Variants in GSG1L observed in about 807,000 individuals in gnomAD.
The protein encoded by GSG1L is GSG1 like.
Under a neutral mutation model 42.1 loss-of-function variants are expected in GSG1L, and 24 were observed. That is an observed-to-expected ratio of 0.57 (90% CI 0.41 to 0.80). The LOEUF is 0.80. Among genes scored for constraint, GSG1L ranks in the 30% least tolerant of loss-of-function variants. The pLI is 0.00. For synonymous variants in GSG1L, 215 were observed against 203.5 expected, an observed-to-expected ratio of 1.06 and a Z score of -0.48; for missense variants, 445 against 472.2, an observed-to-expected ratio of 0.94 and a Z score of 0.53.
At chr16:27,959,362 G>A (rs1206141043) in intron 2 of GSG1L, among the ~76,000 whole-genome samples, 1 of 151,676 alleles carries the variant, frequency 6.6e-6, no homozygotes, top group Non-Finnish European at 1.5e-5. Flanking sequence ...CAGCTACTCG[G>A]GAGGCTGAGG....
At chr16:27,995,333 G>C (rs2085504148) in intron 1 of GSG1L, among the ~76,000 whole-genome samples, 1 of 152,112 alleles carries the variant, frequency 6.6e-6, no homozygotes, top group African/African-American at 2.4e-5. Context: ...CACCAAGGAA[G>C]AATAAAATAA....
At chr16:28,037,383 G>A (rs1449053524) in intron 1 of GSG1L, among the ~76,000 whole-genome samples, 3 of 152,184 alleles carry the variant, frequency 2.0e-5, no homozygotes, top group African/African-American at 7.2e-5. Flanking sequence ...ATTAGTGGAT[G>A]AAGAAAACAC....
At chr16:28,034,824 A>C (rs1182719863) in intron 1 of GSG1L, among the ~76,000 whole-genome samples, 1 of 152,180 alleles carries the variant, frequency 6.6e-6, no homozygotes, top group Non-Finnish European at 1.5e-5. Context: ...GACAAACAAA[A>C]ATGTCTCCAG....
intron 2 of GSG1L, among the ~76,000 whole-genome samples, chr16:27,906,738 CTTGT>C (rs1457774552): frequency 6.6e-6 from 1 of 152,182 alleles, no homozygotes; most frequent in Non-Finnish European, 1.5e-5. Context: ...ATTCTGACAT[CTTGT>C]TTAATTGTCT....
At chr16:27,856,406 T>C (rs1430030554) in intron 3 of GSG1L, among the ~76,000 whole-genome samples, 1 of 152,204 alleles carries the variant, frequency 6.6e-6, no homozygotes, top group African/African-American at 2.4e-5. Context: ...CTTCAACTCC[T>C]GGGCTCAAGC....
intron 3 of GSG1L, among the ~76,000 whole-genome samples, chr16:27,851,483 C>T (rs192551254): frequency 5.9e-5 from 9 of 152,268 alleles, no homozygotes; most frequent in Middle Eastern, 3.4e-3. Flanking sequence ...GCAGGAGCCC[C>T]TGTGCCCTGC....
rs1392910015 is a variant in GSG1L at position 27,903,839 on chromosome 16, G to C, written c.398-19201C>G. ...CCAAGGTCCTATGAAGACACTGAGT[G>C]TGAGCCCCAGCTGACTCGGCATTCA... On this transcript the variant is annotated intron_variant, in intron 2 of 6. Coordinates refer to ENST00000447459, the MANE Select transcript of GSG1L (RefSeq NM_001109763.2). Among the ~76,000 whole-genome samples, 8 of 152,026 alleles carry C rather than the reference G, an allele frequency of 5.3e-5. No individual in the cohort carries two copies. In the East Asian group the frequency reaches 1.6e-3, roughly 30 times the overall value.
chr16:27,848,043 A>G (rs915963337), intron 3 of GSG1L, among the ~76,000 whole-genome samples: 2 of 152,228 alleles, frequency 1.3e-5, no homozygotes, highest in African/African-American at 4.8e-5. Context: ...CTCACCTGTC[A>G]TATGGGGATA....
chr16:27,876,783 C>T (rs912692399), intron 3 of GSG1L, among the ~76,000 whole-genome samples: 6 of 152,170 alleles, frequency 3.9e-5, no homozygotes, highest in Admixed American at 2.0e-4. Flanking sequence ...CTCTTCAACT[C>T]GGTCCACACT....
At chr16:27,966,733 G>A (rs1429186112) in intron 1 of GSG1L, among the ~76,000 whole-genome samples, 1 of 152,074 alleles carries the variant, frequency 6.6e-6, no homozygotes, top group African/African-American at 2.4e-5. Context: ...AACAAAGAGA[G>A]GGGGCGCACG....
At chr16:27,906,859 G>T (rs2141047782) in intron 2 of GSG1L, among the ~76,000 whole-genome samples, 1 of 152,216 alleles carries the variant, frequency 6.6e-6, no homozygotes, top group African/African-American at 2.4e-5. Context: ...TCTGTGACAT[G>T]ACTCCCGAGA....
intron 6 of GSG1L, among the ~76,000 whole-genome samples, chr16:27,796,097 G>A (rs1032687832): frequency 4.6e-5 from 7 of 152,182 alleles, no homozygotes; most frequent in Non-Finnish European, 1.0e-4. Context: ...CAGGTGGCAG[G>A]TATTGATGCT....
intron 2 of GSG1L, among the ~76,000 whole-genome samples, chr16:27,938,456 G>A (rs1393155289): frequency 4.7e-5 from 7 of 149,370 alleles, no homozygotes; most frequent in African/African-American, 1.7e-4. Context: ...ATTCTAGGCT[G>A]CCCAAAGGTT....
chr16:27,823,926 G>GAGGT, intron 5 of GSG1L: 1 of 702,970 alleles, frequency 1.4e-6, no homozygotes. Context: ...CTGTAAAATG[G>GAGGT]AGGTGACAAT....
At chr16:28,030,698 G>C (rs1421580092) in intron 1 of GSG1L, among the ~76,000 whole-genome samples, 1 of 150,958 alleles carries the variant, frequency 6.6e-6, no homozygotes, top group Non-Finnish European at 1.5e-5. Context: ...CCAATGCCCA[G>C]ACCAGGAACT....
intron 3 of GSG1L, among the ~76,000 whole-genome samples, chr16:27,859,679 C>A (rs2083619476): frequency 6.6e-6 from 1 of 152,134 alleles, no homozygotes; most frequent in Admixed American, 6.5e-5. Context: ...ATTCTATTTA[C>A]TTTTTATATT....
chr16:27,822,314 A>G (rs2083159563), intron 5 of GSG1L, among the ~76,000 whole-genome samples: 1 of 152,212 alleles, frequency 6.6e-6, no homozygotes, highest in Non-Finnish European at 1.5e-5. Context: ...GGCGTTCCAC[A>G]AGGGCTGAAT....
chr16:27,829,464 A>C (rs1354205691), intron 4 of GSG1L, among the ~76,000 whole-genome samples: 2 of 152,128 alleles, frequency 1.3e-5, no homozygotes, highest in Admixed American at 6.5e-5. Flanking sequence ...GACACCCTAA[A>C]AGCTCATTTT....
intron 1 of GSG1L, among the ~76,000 whole-genome samples, chr16:28,015,845 G>A (rs1423030488): frequency 2.6e-5 from 4 of 152,304 alleles, no homozygotes; most frequent in African/African-American, 4.8e-5. Flanking sequence ...AGTGGTGGCC[G>A]GATTTGTGGT....
Sources: gnomAD v4.1 joint callset for allele counts (sites outside exome capture counted in the v4.1 genomes callset) on GRCh38, gnomAD v4.1.1 for gene constraint, MANE v1.5 for transcripts, NCBI Gene and HGNC (gene_info 2026-07-23, HGNC 2026-07-21) for gene names.